Variants in HMCES observed in about 807,000 individuals in gnomAD.
HMCES encodes the protein abasic site processing protein HMCES.
A neutral mutation model predicts 35.1 loss-of-function variants in HMCES; 27 were observed. That is an observed-to-expected ratio of 0.77 (90% CI 0.57 to 1.06). The LOEUF is 1.06. Among genes scored for constraint, HMCES ranks in the 50% least tolerant of loss-of-function variants. The probability of loss-of-function intolerance (pLI) is 0.00; values close to 1 mark genes in which losing one functional copy is unlikely to be tolerated. For synonymous variants in HMCES, 130 were observed against 154.7 expected (o/e 0.84, Z 1.18); for missense variants, 391 against 430.4 (o/e 0.91, Z 0.81).
chr3:129,283,110 A>G (rs78184542), intron 2 of HMCES, among the ~76,000 whole-genome samples: 4,191 of 152,146 alleles, frequency 0.028, 150 homozygotes, highest in East Asian at 0.11. Context: ...ATCCTCCACA[A>G]TAGCATCCCC....
chr3:129,285,808 C>T (rs1471680613), intron 2 of HMCES, among the ~76,000 whole-genome samples: 3 of 151,176 alleles, frequency 2.0e-5, no homozygotes, highest in African/African-American at 7.3e-5. Flanking sequence ...CAGTTCAATG[C>T]AACCTGCACC....
intron 2 of HMCES, among the ~76,000 whole-genome samples, chr3:129,285,137 A>G (rs946665846): frequency 1.4e-4 from 22 of 152,108 alleles, no homozygotes; most frequent in Non-Finnish European, 2.6e-4. Context: ...TTTTACCCTA[A>G]TTTCTTCTTT....
intron 3 of HMCES, among the ~76,000 whole-genome samples, 162 bp downstream of exon 3, chr3:129,289,159 A>G (rs560562576): frequency 1.3e-5 from 2 of 152,378 alleles, no homozygotes; most frequent in East Asian, 3.8e-4. Flanking sequence ...CTACATAACA[A>G]ACCACACCAG....
At chr3:129,303,753 C>CT (rs1461339419) in intron 6 of HMCES, among the ~76,000 whole-genome samples, 2 of 146,552 alleles carry the variant, frequency 1.4e-5, no homozygotes, top group African/African-American at 2.5e-5. Context: ...TTTCCTTTTT[C>CT]TTTTTTAGAG....
rs1262543355 is a variant in HMCES, at chr3:129,278,917, G to GGAGGC, written c.-24+15_-24+19dup. 6.6e-6 allele frequency: 1 copy of GGAGGC among 152,408 alleles called. No homozygotes were observed. Among genetic ancestry groups the GGAGGC allele is most frequent in the Non-Finnish European group, 1.5e-5 (1 of 68,422 alleles). The allele number at this position is 152,408 out of a possible 1,614,324, so 9.4% of individuals were successfully genotyped here. The stretch of plus-strand genomic sequence containing the variant: ...GCTGCCGGGGCGAGGTGAGGGGAGG[G>GGAGGC]GAGGCGACGCGGGCGGTCGGGGTAT... On this transcript the variant is annotated intron_variant, in intron 1 of 6. Transcript: ENST00000383463.
intron 2 of HMCES, among the ~76,000 whole-genome samples, chr3:129,280,952 G>A (rs1415316057): frequency 6.6e-6 from 1 of 152,190 alleles, no homozygotes; most frequent in Admixed American, 6.5e-5. Context: ...GGCTGGGCAC[G>A]GTGGCCCACG....
At chr3:129,303,155 C>T (rs935518215) in intron 6 of HMCES, among the ~76,000 whole-genome samples, 3 of 152,114 alleles carry the variant, frequency 2.0e-5, no homozygotes, top group East Asian at 1.9e-4. Flanking sequence ...AAACAGAAGG[C>T]CTGCAGTGGG....
intron 2 of HMCES, among the ~76,000 whole-genome samples, chr3:129,285,437 A>G (rs867593224): frequency 3.3e-5 from 5 of 152,048 alleles, no homozygotes; most frequent in Non-Finnish European, 1.5e-5. Flanking sequence ...GTCCAACCTC[A>G]TAAGTAGCAG....
intron 5 of HMCES, among the ~76,000 whole-genome samples, chr3:129,300,241 A>T (rs2071147002): frequency 6.6e-6 from 1 of 151,584 alleles, no homozygotes; most frequent in South Asian, 2.1e-4. Context: ...TTTGTAAAAT[A>T]GTATGCAGTG....
At chr3:129,282,903 C>T (rs181658658) in intron 2 of HMCES, among the ~76,000 whole-genome samples, 49 of 152,240 alleles carry the variant, frequency 3.2e-4, no homozygotes, top group Middle Eastern at 6.8e-3. Flanking sequence ...ACTTTCTATT[C>T]GTCATTCTCA....
chr3:129,291,880 C>T (rs1352632748), intron 4 of HMCES, among the ~76,000 whole-genome samples: 1 of 152,114 alleles, frequency 6.6e-6, no homozygotes, highest in South Asian at 2.1e-4. Context: ...TACTTGAGCT[C>T]AGGAGTTCAA....
intron 4 of HMCES, among the ~76,000 whole-genome samples, chr3:129,291,729 G>A (rs149414164): frequency 4.9e-4 from 75 of 152,296 alleles, no homozygotes; most frequent in East Asian, 2.9e-3. Context: ...GCCTAGGAGT[G>A]GAATTGCTAG....
chr3:129,286,776 C>T (rs796594573), intron 2 of HMCES, among the ~76,000 whole-genome samples: 3 of 151,858 alleles, frequency 2.0e-5, no homozygotes, highest in African/African-American at 7.2e-5. Context: ...ATCACCAGAC[C>T]CCTGAACCAT....
At chr3:129,300,900 G>A (rs988548927) in intron 5 of HMCES, among the ~76,000 whole-genome samples, 2 of 151,988 alleles carry the variant, frequency 1.3e-5, no homozygotes, top group Non-Finnish European at 2.9e-5. Context: ...ACGTGGTGGC[G>A]GCTGCCTGTA....
intron 6 of HMCES, among the ~76,000 whole-genome samples, 159 bp from the exon 7 acceptor site, chr3:129,304,430 C>T (rs1002390300): frequency 6.6e-6 from 1 of 152,222 alleles, no homozygotes; most frequent in Non-Finnish European, 1.5e-5. Flanking sequence ...GCACACTCCT[C>T]TCTTTCCACT....
chr3:129,281,092 C>T (rs1017014805), intron 2 of HMCES, among the ~76,000 whole-genome samples: 7 of 151,820 alleles, frequency 4.6e-5, no homozygotes, highest in Non-Finnish European at 1.0e-4. Context: ...TATGGTGGCA[C>T]GCACCTGTAG....
chr3:129,291,048 C>T lies in HMCES; in HGVS notation c.453+244C>T, dbSNP rs147043977. On this transcript the variant is annotated intron_variant, in intron 4 of 6. Transcript: ENST00000383463. ...TGAAACCCCGTCTCTACAAACAATA[C>T]AAAACTAGCTGGGCATGGTGGTGTG... Among the ~76,000 whole-genome samples, 9 of 152,114 alleles carry T rather than the reference C, an allele frequency of 5.9e-5. No individual in the cohort carries two copies. In the East Asian group the frequency reaches 1.7e-3, roughly 29 times the overall value.
chr3:129,283,396 A>G (rs1028515532), intron 2 of HMCES, among the ~76,000 whole-genome samples: 24 of 150,636 alleles, frequency 1.6e-4, no homozygotes, highest in African/African-American at 5.4e-4. Context: ...CAGTGGCGCA[A>G]TCATGGCTCA....
intron 6 of HMCES, among the ~76,000 whole-genome samples, chr3:129,302,942 G>C (rs906363530): frequency 3.4e-4 from 51 of 152,134 alleles, no homozygotes; most frequent in African/African-American, 1.2e-3. Flanking sequence ...AAAGACAAAG[G>C]AGCCCTTGAC....
Sources: allele counts gnomAD v4.1 joint callset (sites outside exome capture counted in the v4.1 genomes callset), GRCh38; gene constraint gnomAD v4.1.1; transcripts MANE v1.5; gene names NCBI Gene and HGNC (gene_info 2026-07-23, HGNC 2026-07-21).